PCDHGB1: variants seen among roughly 807,000 people sequenced by gnomAD.
PCDHGB1 encodes protocadherin gamma subfamily B, 1, also known as protocadherin gamma-B1.
PCDHGB1 carries 34 observed loss-of-function variants against 56.6 expected under a neutral mutation model. That is an observed-to-expected ratio of 0.60 (90% CI 0.46 to 0.80). The LOEUF (loss-of-function observed/expected upper bound fraction) is 0.80. PCDHGB1 is among the 30% of genes least tolerant of loss of function. The probability of loss-of-function intolerance (pLI) is 0.00; values close to 1 mark genes in which losing one functional copy is unlikely to be tolerated. For synonymous variants in PCDHGB1, 561 were observed against 505.9 expected, an observed-to-expected ratio of 1.11 and a Z score of -1.46; for missense variants, 1,278 against 1,204.6, an observed-to-expected ratio of 1.06 and a Z score of -0.90.
At chr5:141,504,817 G>T in intron 2 of PCDHGB1, among the ~76,000 whole-genome samples, 1 of 151,940 alleles carries the variant, frequency 6.6e-6, no homozygotes, top group East Asian at 1.9e-4. Flanking sequence ...TACCTCCTAG[G>T]TCCCCACTTT....
chr5:141,499,047 GA>G (rs2099789201), intron 2 of PCDHGB1, among the ~76,000 whole-genome samples: 1 of 151,580 alleles, frequency 6.6e-6, no homozygotes, highest in South Asian at 2.1e-4. Flanking sequence ...GAAAAAGGGA[GA>G]AAAAATGAAG....
chr5:141,469,565 C>T (rs1410607165), intron 1 of PCDHGB1, among the ~76,000 whole-genome samples: 1 of 152,082 alleles, frequency 6.6e-6, no homozygotes, highest in East Asian at 1.9e-4. Context: ...CAGAGTGAGA[C>T]TCTGTCTCTA....
intron 1 of PCDHGB1, chr5:141,393,417 A>G (rs2092754726): frequency 6.2e-6 from 10 of 1,614,032 alleles, no homozygotes; most frequent in Non-Finnish European, 8.5e-6. Flanking sequence ...CGCCCTGGAC[A>G]GGGAGGAAGA....
intron 1 of PCDHGB1, among the ~76,000 whole-genome samples, chr5:141,381,589 C>G (rs1777301144): frequency 6.6e-6 from 1 of 152,152 alleles, no homozygotes; most frequent in Admixed American, 6.5e-5. Context: ...ATCCATTATC[C>G]AGTTTCTTAT....
At chr5:141,395,053 A>G (rs1210765378) in intron 1 of PCDHGB1, 1 of 1,614,062 alleles carries the variant, frequency 6.2e-7, no homozygotes, top group African/African-American at 1.3e-5. Flanking sequence ...GAGGAGGTAC[A>G]GGCTTTCCTG....
intron 1 of PCDHGB1, chr5:141,356,647 G>T: frequency 1.9e-6 from 3 of 1,614,084 alleles, no homozygotes; most frequent in Non-Finnish European, 2.5e-6. Flanking sequence ...TGACAGTGGT[G>T]ACAATGCCCG....
At chr5:141,419,757 G>C in intron 1 of PCDHGB1, 1 of 1,613,994 alleles carries the variant, frequency 6.2e-7, no homozygotes, top group Non-Finnish European at 8.5e-7. Flanking sequence ...CGTGCTTTGG[G>C]TGACAAGGAC....
At chr5:141,398,882 G>C in intron 1 of PCDHGB1, 1 of 1,613,930 alleles carries the variant, frequency 6.2e-7, no homozygotes, top group Non-Finnish European at 8.5e-7. Flanking sequence ...GTCAGCCTTC[G>C]GGAAAACGTG....
At chr5:141,505,574 C>T (rs1275802375) in intron 3 of PCDHGB1, 93 bp downstream of exon 3, 13 of 1,593,636 alleles carry the variant, frequency 8.2e-6, no homozygotes, top group Non-Finnish European at 1.1e-5. Context: ...GGATGTCAAA[C>T]CTGTGTAGTT....
chr5:141,481,880 C>CTCCA (rs1483509373), intron 1 of PCDHGB1, among the ~76,000 whole-genome samples: 1 of 145,300 alleles, frequency 6.9e-6, no homozygotes, highest in Non-Finnish European at 1.5e-5. Context: ...CGCCACTGCA[C>CTCCA]TCCAGCCTGG....
intron 1 of PCDHGB1, among the ~76,000 whole-genome samples, chr5:141,373,448 A>G (rs1222167588): frequency 6.6e-6 from 1 of 152,218 alleles, no homozygotes; most frequent in Non-Finnish European, 1.5e-5. Flanking sequence ...CCTTGATCCC[A>G]GGAGGTAGCA....
chr5:141,375,862 G>A (rs759161440), intron 1 of PCDHGB1: 2 of 1,613,976 alleles, frequency 1.2e-6, no homozygotes, highest in Admixed American at 1.7e-5. Context: ...AGGTGGTGGC[G>A]GTGGACAGAG....
chr5:141,365,483 T>A (rs750405300), intron 1 of PCDHGB1: 2 of 1,614,018 alleles, frequency 1.2e-6, no homozygotes, highest in Non-Finnish European at 1.7e-6. Context: ...GATTGCATGC[T>A]CTATTCCTAG....
chr5:141,452,951 G>T (rs1397204185), intron 1 of PCDHGB1, among the ~76,000 whole-genome samples: 13 of 152,154 alleles, frequency 8.5e-5, no homozygotes, highest in Admixed American at 8.5e-4. Context: ...GCAATTGGTT[G>T]TCTTTAAACT....
intron 1 of PCDHGB1, chr5:141,360,648 C>T (rs1346761280): frequency 1.9e-5 from 31 of 1,613,888 alleles, no homozygotes; most frequent in African/African-American, 5.3e-5. Flanking sequence ...AAAGATACCA[C>T]CTTAATGACA....
At chr5:141,439,571 G>T (rs1010967112) in intron 1 of PCDHGB1, among the ~76,000 whole-genome samples, 4 of 152,154 alleles carry the variant, frequency 2.6e-5, no homozygotes, top group Non-Finnish European at 4.4e-5. Flanking sequence ...CTAGAGTAGG[G>T]ACTCAGAGTG....
At chr5:141,410,038 T>C (rs1364065272) in intron 1 of PCDHGB1, 2 of 1,613,086 alleles carry the variant, frequency 1.2e-6, no homozygotes, top group African/African-American at 1.3e-5. Flanking sequence ...TGCAGGCCAG[T>C]GAGCCCGGAC....
rs1463716042 is a variant in PCDHGB1 at position 141,511,338 on chromosome 5, T to C, written c.*165T>C. 42 of 1,429,834 alleles carry C rather than the reference T, an allele frequency of 2.9e-5. No homozygotes were observed. The highest frequency in any genetic ancestry group is 3.9e-5 in the Non-Finnish European group (42 of 1,075,502). 88.6% of individuals were successfully genotyped at this position (1,429,834 alleles called of 1,614,324 possible). A position where few individuals can be genotyped will look rare whatever the true frequency, so the allele number is the denominator to read the frequency against. On this transcript the variant is annotated 3_prime_UTR_variant, in exon 4 of 4. Coordinates refer to ENST00000523390, the MANE Select transcript of PCDHGB1 (RefSeq NM_018922.3). ...CAGAAACAAGTGCCCAGTCAGCACC[T>C]ACCCCTTCCCCCCCAGGGGGTTGAA... is the stretch of plus-strand genomic sequence containing the variant.
At chr5:141,360,895 G>T in intron 1 of PCDHGB1, 3 of 1,614,046 alleles carry the variant, frequency 1.9e-6, no homozygotes, top group Non-Finnish European at 2.5e-6. Context: ...CCTGAGGGAG[G>T]ACGTGCCGCC....
Sources: gnomAD v4.1 joint callset for allele counts (sites outside exome capture counted in the v4.1 genomes callset) on GRCh38, gnomAD v4.1.1 for gene constraint, MANE v1.5 for transcripts, NCBI Gene and HGNC (gene_info 2026-07-23, HGNC 2026-07-21) for gene names.